Variants in IGSF21 observed in about 807,000 individuals in gnomAD.
The protein encoded by IGSF21 is immunoglobulin superfamily member 21.
In IGSF21, 28 loss-of-function variants were observed where a neutral mutation model predicts 46.8. The observed-to-expected ratio is 0.60, with a 90% CI of 0.44 to 0.82. IGSF21 has a LOEUF of 0.82. Ranked by LOEUF, IGSF21 falls within the 40% of genes least tolerant of loss-of-function variation. The pLI is 0.00. For synonymous variants in IGSF21, 284 were observed against 273.6 expected (o/e 1.04, Z -0.38); for missense variants, 624 against 665.5 (o/e 0.94, Z 0.69).
chr1:18,285,275 T>TA (rs1264006733), intron 2 of IGSF21, among the ~76,000 whole-genome samples: 1 of 151,844 alleles, frequency 6.6e-6, no homozygotes, highest in Non-Finnish European at 1.5e-5. Context: ...TTTTTCAAAT[T>TA]AAACAGCCAG....
intron 2 of IGSF21, among the ~76,000 whole-genome samples, chr1:18,267,924 G>T (rs551395869): frequency 4.6e-5 from 7 of 152,328 alleles, no homozygotes; most frequent in South Asian, 4.1e-4. Context: ...CAGAACATTT[G>T]GCCCATAAAG....
chr1:18,269,497 A>G (rs1245606163), intron 2 of IGSF21, among the ~76,000 whole-genome samples: 1 of 152,136 alleles, frequency 6.6e-6, no homozygotes. Context: ...CCAAGAAGTG[A>G]GACTGAACAG....
intron 1 of IGSF21, among the ~76,000 whole-genome samples, chr1:18,174,401 C>T (rs1460098354): frequency 2.6e-5 from 4 of 152,174 alleles, no homozygotes; most frequent in Non-Finnish European, 2.9e-5. Flanking sequence ...CTTCCCGCTG[C>T]TGATGAAATG....
intron 1 of IGSF21, among the ~76,000 whole-genome samples, chr1:18,192,994 T>C (rs1400442688): frequency 1.3e-5 from 2 of 151,894 alleles, no homozygotes; most frequent in East Asian, 3.9e-4. Context: ...CTCACAGGCC[T>C]TCACTCCAAA....
Position 18,290,229 on chromosome 1 carries a change from G to A in IGSF21, c.184-1637G>A, listed in dbSNP as rs1379447584. 6.6e-6 allele frequency among the ~76,000 whole-genome samples: 1 copy of A among 152,170 alleles called. No homozygotes were observed. Among genetic ancestry groups the A allele is most frequent in the African/African-American group, 2.4e-5 (1 of 41,430 alleles). ...CTCTCATGGTCCCGTTTCAGAAGCT[G>A]GGCCTGTGCTGCAGAAGCAGCCAGG... is the stretch of plus-strand genomic sequence containing the variant. On this transcript the variant is annotated intron_variant, in intron 2 of 9. Coordinates refer to ENST00000251296, the MANE Select transcript of IGSF21 (RefSeq NM_032880.5). The surrounding 1 kb of genome is among the most constrained non-coding windows in gnomAD (Gnocchi z 4.2).
intron 5 of IGSF21, among the ~76,000 whole-genome samples, chr1:18,364,155 AAAAGAACCTCATCTCCCC>A (rs2086133989): frequency 6.6e-6 from 1 of 152,122 alleles, no homozygotes; most frequent in Non-Finnish European, 1.5e-5. Context: ...ATAGACATGC[AAAAGAACCTCATCTCCCC>A]AAATCCCAGG....
At chr1:18,137,880 T>C (rs933121145) in intron 1 of IGSF21, among the ~76,000 whole-genome samples, 1 of 152,172 alleles carries the variant, frequency 6.6e-6, no homozygotes, top group Non-Finnish European at 1.5e-5. Flanking sequence ...TTAGATTCTA[T>C]TATTTTCTCC....
chr1:18,222,260 G>A (rs2084517757), intron 1 of IGSF21, among the ~76,000 whole-genome samples: 1 of 152,192 alleles, frequency 6.6e-6, no homozygotes, highest in African/African-American at 2.4e-5. Flanking sequence ...CCTCGGGGGA[G>A]GATCTCACTT....
chr1:18,219,596 C>A (rs6681991), intron 1 of IGSF21, among the ~76,000 whole-genome samples: 1 of 151,880 alleles, frequency 6.6e-6, no homozygotes, highest in Admixed American at 6.6e-5. Context: ...AGCTTACAGG[C>A]CTTGCTGGCT....
chr1:18,326,835 G>T (rs1398809535), intron 3 of IGSF21, among the ~76,000 whole-genome samples: 1 of 152,182 alleles, frequency 6.6e-6, no homozygotes, highest in Non-Finnish European at 1.5e-5. Context: ...AAGGGTTTAT[G>T]TTGGGAAAGG....
rs558526338 is a variant in IGSF21, at chr1:18,315,765, G to A, written c.306-19127G>A. Among the ~76,000 whole-genome samples the A allele has an allele frequency of 3.1e-4, 47 of 152,060 alleles. No homozygotes were observed. In the East Asian group the frequency reaches 3.5e-3, roughly 11 times the overall value. On this transcript the variant is annotated intron_variant, in intron 3 of 9. Coordinates refer to ENST00000251296, the MANE Select transcript of IGSF21 (RefSeq NM_032880.5). ...ATAAGTGGATGGTAAGTGGGTGAAC[G>A]GATAGCTGGAAAGATGAGAAGTGAA... is the stretch of plus-strand genomic sequence containing the variant.
chr1:18,312,418 TG>T (rs1557638481), intron 3 of IGSF21, among the ~76,000 whole-genome samples: 1 of 152,318 alleles, frequency 6.6e-6, no homozygotes. Context: ...ACCAACTTAG[TG>T]GCTTAAAATA....
At chr1:18,372,385 G>A (rs979955721) in intron 6 of IGSF21, among the ~76,000 whole-genome samples, 2 of 152,216 alleles carry the variant, frequency 1.3e-5, no homozygotes, top group African/African-American at 4.8e-5. Flanking sequence ...GTACAATAAA[G>A]AATTAGATGG....
chr1:18,194,878 A>G (rs2086992427), intron 1 of IGSF21, among the ~76,000 whole-genome samples: 2 of 152,362 alleles, frequency 1.3e-5, no homozygotes, highest in South Asian at 2.1e-4. Context: ...TAATGAGCTC[A>G]TAGTTTCACA....
At chr1:18,351,110 A>G (rs2085948323) in intron 4 of IGSF21, among the ~76,000 whole-genome samples, 1 of 152,114 alleles carries the variant, frequency 6.6e-6, no homozygotes, top group Non-Finnish European at 1.5e-5. Flanking sequence ...AATGACGGCC[A>G]TGTCGCAGAG....
Position 18,314,418 on chromosome 1 carries a change from C to T in IGSF21, c.306-20474C>T, listed in dbSNP as rs529457282. On this transcript the variant is annotated intron_variant, in intron 3 of 9. Coordinates refer to ENST00000251296, the MANE Select transcript of IGSF21 (RefSeq NM_032880.5). Reference sequence around the variant, plus strand: ...TCACTCCCCTGAGGTTAGCGGAGGTCGCCCATTATAGATAAAGATGATTCA... The same window carrying T: ...TCACTCCCCTGAGGTTAGCGGAGGTTGCCCATTATAGATAAAGATGATTCA... Among the ~76,000 whole-genome samples, 9 of 152,192 alleles carry T rather than the reference C, an allele frequency of 5.9e-5. No individual in the cohort carries two copies. The East Asian group carries it at 7.7e-4, about 13-fold the overall frequency.
chr1:18,187,972 G>A (rs1025379395), intron 1 of IGSF21, among the ~76,000 whole-genome samples: 1 of 152,162 alleles, frequency 6.6e-6, no homozygotes, highest in Non-Finnish European at 1.5e-5. Context: ...AAAAATTATA[G>A]TCCTGCTTGA....
At chr1:18,237,996 A>G (rs1189576619) in intron 2 of IGSF21, among the ~76,000 whole-genome samples, 2 of 126,820 alleles carry the variant, frequency 1.6e-5, no homozygotes, top group Non-Finnish European at 1.7e-5. Context: ...AAATATGTGG[A>G]TGGGCTTCTG....
rs533078949 is a variant in IGSF21, at chr1:18,376,718, T to C, written c.1102-82T>C. On this transcript the variant is annotated intron_variant, in intron 7 of 9. Coordinates refer to ENST00000251296, the MANE Select transcript of IGSF21 (RefSeq NM_032880.5). ...TCGGATGAGAATGCTGTGCCACCCC[T>C]GGCCAGGCAGCCCCTGACCCCTTGC... is the stretch of plus-strand genomic sequence containing the variant. 309 of 1,365,764 alleles carry C rather than the reference T, an allele frequency of 2.3e-4. No homozygotes were observed. In the African/African-American group the frequency reaches 4.1e-3, roughly 18 times the overall value. 84.6% of individuals were successfully genotyped at this position (1,365,764 alleles called of 1,614,324 possible).
Sources: allele counts gnomAD v4.1 joint callset (sites outside exome capture counted in the v4.1 genomes callset), GRCh38; gene constraint gnomAD v4.1.1; non-coding constraint Gnocchi (gnomAD v3.1); transcripts MANE v1.5; gene names NCBI Gene and HGNC (gene_info 2026-07-23, HGNC 2026-07-21).